Variants in MAP3K13 observed in about 807,000 individuals in gnomAD.
MAP3K13 encodes leucine zipper-bearing kinase.
Under a neutral mutation model 104.0 loss-of-function variants are expected in MAP3K13, and 52 were observed. The ratio of observed to expected loss-of-function variants is 0.50; its 90% confidence interval spans 0.40 to 0.63. The LOEUF (loss-of-function observed/expected upper bound fraction) is 0.63, where lower values mean the gene tolerates loss of function less well. MAP3K13 is among the 20% of genes least tolerant of loss of function. The pLI, the probability that MAP3K13 is intolerant of heterozygous loss-of-function variation, is 0.00. For missense variants in MAP3K13, 914 were observed against 1,218.5 expected (o/e 0.75, Z 3.72); for synonymous variants, 394 against 442.2 (o/e 0.89, Z 1.37).
At chr3:185,311,654 G>C (rs1277804670) in intron 2 of MAP3K13, among the ~76,000 whole-genome samples, 1 of 152,152 alleles carries the variant, frequency 6.6e-6, no homozygotes, top group Non-Finnish European at 1.5e-5. Flanking sequence ...TTGGTATGTA[G>C]ACCTTTAGTT....
intron 2 of MAP3K13, among the ~76,000 whole-genome samples, chr3:185,310,237 C>T (rs137933575): frequency 6.6e-5 from 10 of 152,308 alleles, no homozygotes; most frequent in African/African-American, 2.4e-4. Context: ...GATTCTCTCT[C>T]TTTGGAATTT....
At position 185,482,493 on chromosome 3, in the gene MAP3K13, C is replaced by A; in HGVS notation, c.*37C>A. On this transcript the variant is annotated 3_prime_UTR_variant, in exon 14 of 14. Transcript: ENST00000265026. The surrounding 1 kb of genome is among the most constrained non-coding windows in gnomAD (Gnocchi z 4.5). The stretch of plus-strand genomic sequence containing the variant: ...ACATCCTGAAGATCTCGTGACTATA[C>A]TGGCATTTCAGATCCACCCCACCCC... 1 of 1,499,478 alleles carries A rather than the reference C, an allele frequency of 6.7e-7. No individual in the cohort carries two copies. The highest frequency in any genetic ancestry group is 1.7e-4 in the Middle Eastern group (1 of 5,848). The allele number at this position is 1,499,478 out of a possible 1,614,324, so 92.9% of individuals were successfully genotyped here. A position where few individuals can be genotyped will look rare whatever the true frequency, so the allele number is the denominator to read the frequency against.
At chr3:185,407,406 A>ATT (rs1713174653) in intron 1 of MAP3K13, among the ~76,000 whole-genome samples, 1 of 152,194 alleles carries the variant, frequency 6.6e-6, no homozygotes, top group Non-Finnish European at 1.5e-5. Flanking sequence ...GTGCTAAAGG[A>ATT]TTCTAAATAC....
intron 2 of MAP3K13, among the ~76,000 whole-genome samples, chr3:185,288,532 GTT>G (rs869051708): frequency 0.021 from 3,216 of 150,138 alleles, 142 homozygotes; most frequent in African/African-American, 0.074. Context: ...GTGTGTGTGT[GTT>G]TGTGTGTATA....
At chr3:185,314,635 A>C (rs1015487438) in intron 2 of MAP3K13, among the ~76,000 whole-genome samples, 5 of 151,820 alleles carry the variant, frequency 3.3e-5, no homozygotes, top group African/African-American at 1.2e-4. Context: ...GTAAAAAAAA[A>C]AGAAACAAGA....
At chr3:185,389,700 T>TA (rs1038972805) in intron 1 of MAP3K13, among the ~76,000 whole-genome samples, 58 of 142,760 alleles carry the variant, frequency 4.1e-4, no homozygotes, top group Admixed American at 4.2e-4. Flanking sequence ...TCAGGACCGA[T>TA]AAAAAAAAAA....
rs1465764941 is a variant in MAP3K13 at position 185,465,790 on chromosome 3, C to T, written c.1432C>T (p.Arg478Trp). 1.2e-6 allele frequency: 2 copies of T among 1,613,898 alleles called. No homozygotes were observed. The highest frequency in any genetic ancestry group is 2.2e-5 in the East Asian group (1 of 44,898). The change falls in exon 9 of 14, where the codon CGG becomes TGG. Residue 478 changes from arginine to tryptophan, a missense_variant. Arg to Trp is a moderately radical substitution (Grantham distance 101). Around this residue, in one of 3 missense-constraint regions of MAP3K13, gnomAD observed 583 missense variants for 737.4 expected, o/e 0.79. Coordinates refer to ENST00000265026, the MANE Select transcript of MAP3K13 (RefSeq NM_004721.5). ...IREHYERKLE[R>W]ANNLYMELSA... The stretch of plus-strand genomic sequence containing the variant: ...TGAACACTATGAGCGGAAGCTTGAG[C>T]GGGCGAATAATTTATACATGGAATT...
intron 2 of MAP3K13, among the ~76,000 whole-genome samples, chr3:185,305,550 A>G (rs1320377683): frequency 6.6e-6 from 1 of 152,132 alleles, no homozygotes; most frequent in African/African-American, 2.4e-5. Context: ...ACAGTATTAC[A>G]TGATTCTGTA....
Position 185,309,934 on chromosome 3 carries a change from G to A in MAP3K13, c.-86+24291G>A, listed in dbSNP as rs145297154. On this transcript the variant is annotated intron_variant, in intron 2 of 14. Coordinates refer to the MAP3K13 transcript ENST00000424227. Reference sequence around the variant, plus strand: ...CATACCCGAGGCCTAGGTGCACAGGGCCTAGCTAACACTGAGATATCAGGA... The same window carrying A: ...CATACCCGAGGCCTAGGTGCACAGGACCTAGCTAACACTGAGATATCAGGA... Among the ~76,000 whole-genome samples the A allele has an allele frequency of 1.6e-4, 24 of 152,300 alleles. No homozygotes were observed. In the East Asian group the frequency reaches 4.0e-3, roughly 26 times the overall value.
chr3:185,286,469 A>AT (rs1473128732), intron 2 of MAP3K13, among the ~76,000 whole-genome samples: 3 of 151,574 alleles, frequency 2.0e-5, no homozygotes, highest in Non-Finnish European at 2.9e-5. Context: ...GCATACAAAG[A>AT]TTTTTTTCAC....
At chr3:185,372,565 TACTC>T (rs1354521935) in intron 1 of MAP3K13, among the ~76,000 whole-genome samples, 1 of 152,232 alleles carries the variant, frequency 6.6e-6, no homozygotes, top group Admixed American at 6.5e-5. Flanking sequence ...CATTGAAAAG[TACTC>T]ACTCATCATC....
At chr3:185,480,178 A>C in intron 12 of MAP3K13, 54 bp from the exon 13 acceptor site, 2 of 1,541,688 alleles carry the variant, frequency 1.3e-6, no homozygotes, top group South Asian at 2.4e-5. Flanking sequence ...ACAGATAAGG[A>C]AAGAAAAGCA....
chr3:185,421,322 C>T (rs956502713), intron 1 of MAP3K13, among the ~76,000 whole-genome samples: 9 of 151,864 alleles, frequency 5.9e-5, no homozygotes, highest in African/African-American at 2.2e-4. Flanking sequence ...CTCAGCCTCC[C>T]GAGTAGCTGG....
At position 185,428,649 on chromosome 3, in the gene MAP3K13, C is replaced by T; in HGVS notation, c.68C>T (p.Thr23Ile). Reference protein sequence around the residue: ...SPHLPFSESKTFNGLQDELTA... With the variant: ...SPHLPFSESKIFNGLQDELTA... Reference sequence around the variant, plus strand: ...CACTTACCCTTCAGTGAAAGCAAAACCTTCAATGGACTACAAGATGAGCTC... The same window carrying T: ...CACTTACCCTTCAGTGAAAGCAAAATCTTCAATGGACTACAAGATGAGCTC... Residue 23 changes from threonine (T) to isoleucine (I), a missense_variant, in exon 2 of 14, where the codon ACC (threonine) becomes ATC (isoleucine). Around this residue, in one of 3 missense-constraint regions of MAP3K13, gnomAD observed 156 missense variants for 159.8 expected, o/e 0.98. Coordinates refer to ENST00000265026, the MANE Select transcript of MAP3K13 (RefSeq NM_004721.5). 1 of 1,613,960 alleles carries T rather than the reference C, an allele frequency of 6.2e-7. No individual in the cohort carries two copies. Among genetic ancestry groups the T allele is most frequent in the Non-Finnish European group, 8.5e-7 (1 of 1,179,912 alleles).
At chr3:185,475,578 G>A (rs1276006082) in intron 11 of MAP3K13, among the ~76,000 whole-genome samples, 2 of 152,106 alleles carry the variant, frequency 1.3e-5, no homozygotes, top group African/African-American at 4.8e-5. Context: ...GGGGGTGGCC[G>A]CGGTGGCTCA....
intron 3 of MAP3K13, among the ~76,000 whole-genome samples, chr3:185,438,820 A>G (rs1318751068): frequency 6.6e-6 from 1 of 152,230 alleles, no homozygotes; most frequent in East Asian, 1.9e-4. Context: ...GGTGAAGAAC[A>G]GGACAAGTAT....
intron 1 of MAP3K13, among the ~76,000 whole-genome samples, chr3:185,412,545 A>G (rs1560092651): frequency 1.3e-5 from 2 of 152,210 alleles, no homozygotes; most frequent in Non-Finnish European, 2.9e-5. Flanking sequence ...AAAATGGCCA[A>G]TCTTTGACAA....
chr3:185,472,205 CTT>C (rs568380003), intron 10 of MAP3K13, among the ~76,000 whole-genome samples: 12 of 118,622 alleles, frequency 1.0e-4, no homozygotes, highest in African/African-American at 2.8e-4. Context: ...ATCCCTTCTT[CTT>C]TTTTTTTTTT....
intron 2 of MAP3K13, among the ~76,000 whole-genome samples, chr3:185,290,802 A>G (rs537805771): frequency 1.3e-5 from 2 of 152,348 alleles, no homozygotes; most frequent in Admixed American, 1.3e-4. Flanking sequence ...TAGATTCAGT[A>G]AATATTAGCT....
Sources: gnomAD v4.1 joint callset for allele counts (sites outside exome capture counted in the v4.1 genomes callset) on GRCh38, gnomAD v4.1.1 for gene constraint, gnomAD v4.1.1 regional missense constraint, Gnocchi (gnomAD v3.1) non-coding constraint, MANE v1.5 for transcripts, NCBI Gene and HGNC (gene_info 2026-07-23, HGNC 2026-07-21) for gene names.